Variants in FRMD5 observed in about 807,000 individuals in gnomAD.
FRMD5 encodes FERM domain containing 5.
In FRMD5, 20 loss-of-function variants were observed where a neutral mutation model predicts 69.0. The observed-to-expected ratio is 0.29, with a 90% CI of 0.20 to 0.42. The LOEUF is 0.42. FRMD5 is among the 10% of genes least tolerant of loss of function. The pLI, the probability that FRMD5 is intolerant of heterozygous loss-of-function variation, is 1.00. For missense variants in FRMD5, 595 were observed against 708.6 expected (o/e 0.84, Z 1.82); for synonymous variants, 271 against 260.1 (o/e 1.04, Z -0.40).
intron 1 of FRMD5, among the ~76,000 whole-genome samples, chr15:43,950,205 A>G (rs575543501): frequency 2.6e-5 from 4 of 152,320 alleles, no homozygotes; most frequent in Non-Finnish European, 4.4e-5. Flanking sequence ...TCTCTGCCCT[A>G]GAGGCCATGT....
intron 1 of FRMD5, among the ~76,000 whole-genome samples, chr15:44,177,072 G>C (rs1595559263): frequency 6.6e-6 from 1 of 152,064 alleles, no homozygotes; most frequent in Non-Finnish European, 1.5e-5. Flanking sequence ...AAGGGTTTGA[G>C]CACTGTGGAA....
Position 43,873,347 on chromosome 15 carries a change from A to AG in FRMD5, c.*537_*538insC. 1 of 1,463,760 alleles carries AG rather than the reference A, an allele frequency of 6.8e-7. No individual in the cohort carries two copies. Among genetic ancestry groups the AG allele is most frequent in the East Asian group, 2.5e-5 (1 of 40,274 alleles). The allele number at this position is 1,463,760 out of a possible 1,614,324, so 90.7% of individuals were successfully genotyped here. A position where few individuals can be genotyped will look rare whatever the true frequency, so the allele number is the denominator to read the frequency against. ...TTAAAAGTTCTGGCTGGCAAAAAAA[A>AG]CAAACAAAAAACTAAACAGTCCCCA... On this transcript the variant is annotated 3_prime_UTR_variant, in exon 14 of 14. Coordinates refer to ENST00000417257, the MANE Select transcript of FRMD5 (RefSeq NM_032892.5).
At chr15:43,994,297 T>C (rs1204302721) in intron 1 of FRMD5, among the ~76,000 whole-genome samples, 3 of 152,222 alleles carry the variant, frequency 2.0e-5, no homozygotes, top group Non-Finnish European at 2.9e-5. Context: ...CTTATAGTTA[T>C]AACAGGCCAT....
upstream of FRMD5, among the ~76,000 whole-genome samples, chr15:44,197,678 C>CAAAAAA (rs5812271): frequency 7.1e-5 from 6 of 84,632 alleles, no homozygotes; most frequent in East Asian, 3.3e-4. Flanking sequence ...GACTCCATCT[C>CAAAAAA]AAAAAAAAAA....
chr15:43,937,739 C>T (rs2089786422), intron 1 of FRMD5, among the ~76,000 whole-genome samples: 1 of 151,666 alleles, frequency 6.6e-6, no homozygotes, highest in Non-Finnish European at 1.5e-5. Context: ...TGAGCTGCCA[C>T]GTGGGCCTAG....
intron 1 of FRMD5, among the ~76,000 whole-genome samples, chr15:44,158,871 G>C (rs2077568369): frequency 6.6e-6 from 1 of 152,160 alleles, no homozygotes; most frequent in South Asian, 2.1e-4. Flanking sequence ...TTCATTCAAA[G>C]ACCTCAAAGT....
intron 1 of FRMD5, among the ~76,000 whole-genome samples, chr15:44,011,316 C>T (rs749562688): frequency 4.0e-5 from 6 of 150,680 alleles, no homozygotes; most frequent in Non-Finnish European, 7.4e-5. Flanking sequence ...AAGTTTGTAG[C>T]AATGGGAATT....
intron 1 of FRMD5, among the ~76,000 whole-genome samples, chr15:44,052,241 T>G (rs1418143574): frequency 2.0e-5 from 3 of 152,204 alleles, no homozygotes; most frequent in African/African-American, 7.2e-5. Flanking sequence ...TACAATGCAA[T>G]ACTACTTTAT....
intron 1 of FRMD5, among the ~76,000 whole-genome samples, chr15:43,962,929 G>T (rs1346148400): frequency 6.6e-6 from 1 of 152,146 alleles, no homozygotes; most frequent in Non-Finnish European, 1.5e-5. Context: ...AGACTTACAT[G>T]TTAGACCTAA....
chr15:43,882,610 C>T (rs1021761455), intron 13 of FRMD5, among the ~76,000 whole-genome samples: 5 of 152,018 alleles, frequency 3.3e-5, no homozygotes, highest in Non-Finnish European at 7.4e-5. Context: ...CCACCCACCT[C>T]AGCCTCCCAG....
chr15:44,061,287 A>C (rs1392330059), intron 1 of FRMD5, among the ~76,000 whole-genome samples: 1 of 152,208 alleles, frequency 6.6e-6, no homozygotes, highest in Non-Finnish European at 1.5e-5. Flanking sequence ...CACAGTCAAA[A>C]TCTAGGGGCA....
At chr15:44,135,019 A>G (rs1421159209) in intron 1 of FRMD5, among the ~76,000 whole-genome samples, 2 of 152,180 alleles carry the variant, frequency 1.3e-5, no homozygotes, top group Non-Finnish European at 2.9e-5. Flanking sequence ...GCTACTGTAG[A>G]AAAGAGACTA....
intron 1 of FRMD5, among the ~76,000 whole-genome samples, chr15:44,149,217 T>A (rs2077405627): frequency 1.3e-5 from 2 of 152,016 alleles, no homozygotes; most frequent in Admixed American, 1.3e-4. Flanking sequence ...ATTATAACCT[T>A]AGAATGTTAA....
rs187555093 is a variant in FRMD5, at chr15:44,106,675, G to A, written c.102+88278C>T. On this transcript the variant is annotated intron_variant, in intron 1 of 13. Transcript: ENST00000417257. ...ATACTTCCCTCTGGACTCCCGTGGT[G>A]TGTAAGATCTCTGCACTTACTGACT... Among the ~76,000 whole-genome samples, 3 of 152,208 alleles carry A rather than the reference G, an allele frequency of 2.0e-5. No individual in the cohort carries two copies. In the East Asian group the frequency reaches 5.8e-4, roughly 29 times the overall value.
At chr15:43,993,205 T>G (rs1595598297) in intron 1 of FRMD5, among the ~76,000 whole-genome samples, 1 of 152,280 alleles carries the variant, frequency 6.6e-6, no homozygotes, top group Admixed American at 6.5e-5. Context: ...TGTTTTGTTT[T>G]GTTTTTGGGA....
At chr15:43,960,444 T>C (rs1248709583) in intron 1 of FRMD5, among the ~76,000 whole-genome samples, 3 of 151,908 alleles carry the variant, frequency 2.0e-5, no homozygotes, top group Admixed American at 6.6e-5. Context: ...AGAGACGGGG[T>C]TTCACTGTAT....
rs140679752 is a variant in FRMD5 at position 44,139,298 on chromosome 15, T to TACAC, written c.102+55651_102+55654dup. Among the ~76,000 whole-genome samples, 826 of 143,754 alleles carry TACAC rather than the reference T, an allele frequency of 5.7e-3. 8 individuals are homozygous for TACAC. Among genetic ancestry groups the TACAC allele is most frequent in the Middle Eastern group, 0.017 (5 of 286 alleles). The allele number at this position is 143,754 out of a possible 152,430, so 94.3% of individuals were successfully genotyped here. A position where few individuals can be genotyped will look rare whatever the true frequency, so the allele number is the denominator to read the frequency against. On this transcript the variant is annotated intron_variant, in intron 1 of 13. Transcript: ENST00000417257. ...CACCATCTATAGCTCCCCCTCTCTCTACACACACACACACACACACACACA... is the reference window on the plus strand; with the variant it reads ...CACCATCTATAGCTCCCCCTCTCTCTACACACACACACACACACACACACACACA...
chr15:43,989,259 G>A (rs1241685036), intron 1 of FRMD5: 25 of 791,022 alleles, frequency 3.2e-5, no homozygotes, highest in African/African-American at 6.7e-5. Flanking sequence ...TCCTATCGGC[G>A]ATGCCAGGGT....
intron 1 of FRMD5, among the ~76,000 whole-genome samples, chr15:44,158,978 A>T (rs1287893554): frequency 6.6e-6 from 1 of 152,234 alleles, no homozygotes; most frequent in African/African-American, 2.4e-5. Context: ...AGACAAAAAA[A>T]ATGAGCACCT....
Sources: allele counts gnomAD v4.1 joint callset (sites outside exome capture counted in the v4.1 genomes callset), GRCh38; gene constraint gnomAD v4.1.1; transcripts MANE v1.5; gene names NCBI Gene and HGNC (gene_info 2026-07-23, HGNC 2026-07-21).